SYNPR: variants seen among roughly 807,000 people sequenced by gnomAD.
SYNPR encodes synaptoporin.
A neutral mutation model predicts 32.9 loss-of-function variants in SYNPR; 23 were observed. That is an observed-to-expected ratio of 0.70 (90% confidence interval 0.50 to 0.99). The LOEUF (loss-of-function observed/expected upper bound fraction) is 0.99. Ranked by LOEUF, SYNPR falls within the 50% of genes least tolerant of loss-of-function variation. The pLI is 0.00. For missense variants in SYNPR, 318 were observed against 349.3 expected, an observed-to-expected ratio of 0.91 and a Z score of 0.71; for synonymous variants, 146 against 135.9, an observed-to-expected ratio of 1.07 and a Z score of -0.52.
At position 63,480,900 on chromosome 3, in the gene SYNPR, C is replaced by T. The variant is rs376661036; in HGVS notation, c.153C>T (p.Cys51=). 190 of 1,613,506 alleles carry T rather than the reference C, an allele frequency of 1.2e-4. 2 individuals carry two copies. The Middle Eastern group carries it at 5.8e-3, about 49-fold the overall frequency. Reference sequence around the variant, plus strand: ...GAGGCCTGCGGCTGAGTGTGGACTGCGTCAACAAGACAGAAAGTAACCTCA... The same window carrying T: ...GAGGCCTGCGGCTGAGTGTGGACTGTGTCAACAAGACAGAAAGTAACCTCA... The part of the protein sequence containing the change: ...YSGGLRLSVD[C]VNKTESNLSI... Residue 51 remains cysteine (C), a synonymous_variant, in exon 3 of 6, where the codon TGC becomes TGT. Coordinates refer to ENST00000478300, the MANE Select transcript of SYNPR (RefSeq NM_001130003.2).
chr3:63,270,504 C>T (rs993438339), intron 3 of SYNPR, among the ~76,000 whole-genome samples: 1 of 152,162 alleles, frequency 6.6e-6, no homozygotes, highest in Non-Finnish European at 1.5e-5. Flanking sequence ...GCAGTTGGGA[C>T]TGACTGGTAG....
chr3:63,355,053 T>C (rs908369922), intron 2 of SYNPR, among the ~76,000 whole-genome samples: 1 of 152,016 alleles, frequency 6.6e-6, no homozygotes, highest in Non-Finnish European at 1.5e-5. Flanking sequence ...CCAAGGCAGG[T>C]GGATCATTTG....
intron 2 of SYNPR, among the ~76,000 whole-genome samples, chr3:63,374,893 T>C (rs959375833): frequency 6.6e-6 from 1 of 152,222 alleles, no homozygotes; most frequent in Non-Finnish European, 1.5e-5. Context: ...CAGATGGTTG[T>C]AGATGTGTGG....
intron 2 of SYNPR, among the ~76,000 whole-genome samples, chr3:63,453,192 C>A (rs1049894668): frequency 6.6e-6 from 1 of 152,096 alleles, no homozygotes; most frequent in African/African-American, 2.4e-5. Context: ...GGCTTCCAGC[C>A]CTGGTTGTGA....
chr3:63,520,504 C>A (rs1701887347), intron 3 of SYNPR, among the ~76,000 whole-genome samples: 1 of 152,068 alleles, frequency 6.6e-6, no homozygotes, highest in African/African-American at 2.4e-5. Flanking sequence ...GAAACCCTGT[C>A]TCTACTAAAA....
At chr3:63,221,609 C>A in the SYNPR span, among the ~76,000 whole-genome samples, 1 of 152,078 alleles carries the variant, frequency 6.6e-6, no homozygotes, top group Non-Finnish European at 1.5e-5. Context: ...AGTACACAGC[C>A]AGGAAATATG....
At chr3:63,459,269 A>G (rs962529882) in intron 2 of SYNPR, among the ~76,000 whole-genome samples, 1 of 151,964 alleles carries the variant, frequency 6.6e-6, no homozygotes, top group Non-Finnish European at 1.5e-5. Context: ...ACTGGCCTCA[A>G]TCACTCTATA....
At chr3:63,295,190 T>G (rs1403155109) in intron 2 of SYNPR, among the ~76,000 whole-genome samples, 2 of 152,220 alleles carry the variant, frequency 1.3e-5, no homozygotes, top group Non-Finnish European at 2.9e-5. Flanking sequence ...TTTTGGGCTA[T>G]GTCGGCCTCC....
chr3:63,553,094 C>A (rs1383170739), intron 3 of SYNPR, among the ~76,000 whole-genome samples: 2 of 152,124 alleles, frequency 1.3e-5, no homozygotes, highest in African/African-American at 4.8e-5. Context: ...GTCCTCTTGC[C>A]TCCCTACTCT....
intron 2 of SYNPR, among the ~76,000 whole-genome samples, chr3:63,336,812 A>G (rs1159163915): frequency 6.6e-6 from 1 of 152,182 alleles, no homozygotes; most frequent in Non-Finnish European, 1.5e-5. Context: ...ATGAAAGACA[A>G]GCCACAGATT....
At chr3:63,226,804 T>C (rs939092906), upstream of SYNPR, among the ~76,000 whole-genome samples, 3 of 152,024 alleles carry the variant, frequency 2.0e-5, no homozygotes, top group African/African-American at 7.2e-5. Context: ...CAGACAAGGG[T>C]AACTATAGTT....
intron 2 of SYNPR, among the ~76,000 whole-genome samples, chr3:63,374,422 A>G (rs2087857951): frequency 2.6e-5 from 4 of 152,180 alleles, no homozygotes. Flanking sequence ...AACAGACACC[A>G]TGGTATACTT....
chr3:63,262,994 A>G (rs2086452438), intron 2 of SYNPR, among the ~76,000 whole-genome samples: 1 of 152,216 alleles, frequency 6.6e-6, no homozygotes, highest in African/African-American at 2.4e-5. Flanking sequence ...TACAGTGGCC[A>G]GACAATAAAT....
intron 2 of SYNPR, among the ~76,000 whole-genome samples, chr3:63,344,987 C>T (rs2087418771): frequency 6.6e-6 from 1 of 152,066 alleles, no homozygotes; most frequent in South Asian, 2.1e-4. Flanking sequence ...GTTGGGTTTC[C>T]AGAATGAAAA....
chr3:63,416,916 T>TG (rs1236328354), intron 2 of SYNPR, among the ~76,000 whole-genome samples: 1 of 152,096 alleles, frequency 6.6e-6, no homozygotes, highest in Non-Finnish European at 1.5e-5. Context: ...GAGATTTAGG[T>TG]GGGGACACAG....
At chr3:63,380,844 A>G (rs530468731) in intron 2 of SYNPR, among the ~76,000 whole-genome samples, 16 of 152,358 alleles carry the variant, frequency 1.1e-4, no homozygotes, top group African/African-American at 3.8e-4. Flanking sequence ...CTTTGACAAA[A>G]TTCAACAGCC....
intron 1 of SYNPR, among the ~76,000 whole-genome samples, chr3:63,241,560 T>TA (rs948617220): frequency 6.6e-5 from 10 of 152,156 alleles, no homozygotes; most frequent in Middle Eastern, 6.8e-3. Flanking sequence ...TCCTTTCACT[T>TA]AAAAAAAGAG....
intron 2 of SYNPR, among the ~76,000 whole-genome samples, chr3:63,408,044 C>T (rs2088384980): frequency 6.6e-6 from 1 of 151,242 alleles, no homozygotes; most frequent in Non-Finnish European, 1.5e-5. Context: ...GCAGTGGTTT[C>T]CCTAATGGCA....
chr3:63,395,419 C>A (rs887473597), intron 2 of SYNPR, among the ~76,000 whole-genome samples: 1 of 152,146 alleles, frequency 6.6e-6, no homozygotes, highest in Non-Finnish European at 1.5e-5. Context: ...ATAACAGTAA[C>A]AAAAATGCTA....
Sources: gnomAD v4.1 joint callset for allele counts (sites outside exome capture counted in the v4.1 genomes callset) on GRCh38, gnomAD v4.1.1 for gene constraint, MANE v1.5 for transcripts, NCBI Gene and HGNC (gene_info 2026-07-23, HGNC 2026-07-21) for gene names.